Variants in ASH1L observed in about 807,000 individuals in gnomAD.
ASH1L encodes ASH1 like histone lysine methyltransferase, also known as histone-lysine N-methyltransferase ASH1L.
In ASH1L, 23 loss-of-function variants were observed where a neutral mutation model predicts 269.0. That is an observed-to-expected ratio of 0.09 (90% CI 0.06 to 0.12). The LOEUF (loss-of-function observed/expected upper bound fraction) is 0.12, where lower values mean the gene tolerates loss of function less well. Ranked by LOEUF, ASH1L falls within the 10% of genes least tolerant of loss-of-function variation. The probability of loss-of-function intolerance (pLI) is 1.00; values close to 1 mark genes in which losing one functional copy is unlikely to be tolerated. For synonymous variants in ASH1L, 1,187 were observed against 1,253.5 expected (o/e 0.95, Z 1.12); for missense variants, 2,912 against 3,567.8 (o/e 0.82, Z 4.68).
intron 1 of ASH1L, among the ~76,000 whole-genome samples, chr1:155,527,792 G>C (rs1352156473): frequency 1.3e-5 from 2 of 151,954 alleles, no homozygotes; most frequent in East Asian, 1.9e-4. Context: ...GCAATCCTCC[G>C]ACCTCAGACT....
intron 3 of ASH1L, among the ~76,000 whole-genome samples, chr1:155,474,122 T>C (rs967414476): frequency 3.3e-5 from 5 of 152,108 alleles, no homozygotes; most frequent in African/African-American, 9.7e-5. Flanking sequence ...GCATGAGCCA[T>C]TGTGCCTGGT....
chr1:155,453,740 A>G (rs1479938165), intron 4 of ASH1L, among the ~76,000 whole-genome samples: 1 of 152,166 alleles, frequency 6.6e-6, no homozygotes, highest in East Asian at 1.9e-4. Flanking sequence ...CAGAGGCTTC[A>G]GTAAGCCGAG....
Position 155,349,384 on chromosome 1 carries a change from G to A in ASH1L, c.7497C>T (p.Tyr2499=). The change falls in exon 19 of 28, where the codon TAC becomes TAT. Residue 2499 remains tyrosine (Y), a synonymous_variant. Transcript: ENST00000392403. ...CATCAAAAGCTTCCACTGTCTTATA[G>A]TAACCAGTGAGGATCTGCTTCTCTA... ...ITIEKQILTG[Y]YKTVEAFDAD... 1 of 1,613,970 alleles carries A rather than the reference G, an allele frequency of 6.2e-7. No individual in the cohort carries two copies. Among genetic ancestry groups the A allele is most frequent in the Non-Finnish European group, 8.5e-7 (1 of 1,179,838 alleles).
intron 1 of ASH1L, among the ~76,000 whole-genome samples, chr1:155,558,459 G>A (rs931508710): frequency 6.6e-6 from 1 of 151,732 alleles, no homozygotes; most frequent in African/African-American, 2.4e-5. Flanking sequence ...CAACAAGAGC[G>A]AAACTCTCTC....
intron 6 of ASH1L, among the ~76,000 whole-genome samples, chr1:155,398,642 C>CA (rs1453652705): frequency 6.6e-6 from 1 of 151,916 alleles, no homozygotes; most frequent in Non-Finnish European, 1.5e-5. Flanking sequence ...GTACATTGTA[C>CA]AAAAAAATGT....
intron 8 of ASH1L, 77 bp from the exon 9 acceptor site, chr1:155,378,625 C>T (rs565045405): frequency 1.1e-4 from 130 of 1,222,384 alleles, no homozygotes; most frequent in Non-Finnish European, 1.4e-4. Flanking sequence ...ACTAAAAATA[C>T]AGGAAATTTT....
intron 6 of ASH1L, among the ~76,000 whole-genome samples, chr1:155,404,715 A>T (rs775441066): frequency 6.6e-6 from 1 of 152,122 alleles, no homozygotes; most frequent in Non-Finnish European, 1.5e-5. Context: ...AGCAATAAAC[A>T]ATCCAAAAAT....
At chr1:155,562,903 C>G (rs770951718), upstream of ASH1L, 27 of 454,540 alleles carry the variant, frequency 5.9e-5, no homozygotes, top group Middle Eastern at 6.4e-4. Context: ...CGCCAGCCCC[C>G]CCTACCACCC....
chr1:155,496,982 C>T (rs1160685626), intron 2 of ASH1L, among the ~76,000 whole-genome samples: 2 of 152,052 alleles, frequency 1.3e-5, no homozygotes, highest in Non-Finnish European at 2.9e-5. Flanking sequence ...AGTGATTTTC[C>T]GTCTGCCAGT....
At chr1:155,471,900 T>C (rs776201573) in intron 3 of ASH1L, among the ~76,000 whole-genome samples, 2 of 152,212 alleles carry the variant, frequency 1.3e-5, no homozygotes, top group Non-Finnish European at 2.9e-5. Flanking sequence ...GTATTCAGAA[T>C]TGAACTAAAT....
chr1:155,511,871 C>T (rs960851933), intron 2 of ASH1L, among the ~76,000 whole-genome samples: 6 of 151,776 alleles, frequency 4.0e-5, no homozygotes, highest in African/African-American at 1.2e-4. Context: ...AGTGCAATGC[C>T]GGGATCTCGG....
At chr1:155,555,084 G>A (rs1359080488) in intron 1 of ASH1L, among the ~76,000 whole-genome samples, 4 of 149,460 alleles carry the variant, frequency 2.7e-5, no homozygotes, top group South Asian at 2.1e-4. Flanking sequence ...AAGAGGTGCA[G>A]TGAGCCGAGA....
intron 4 of ASH1L, among the ~76,000 whole-genome samples, chr1:155,451,896 T>C (rs1663503435): frequency 6.6e-6 from 1 of 151,812 alleles, no homozygotes; most frequent in African/African-American, 2.4e-5. Context: ...AATTTTTATA[T>C]TTTTAGTAGA....
chr1:155,496,097 G>A (rs1266928222), intron 2 of ASH1L, among the ~76,000 whole-genome samples: 1 of 152,038 alleles, frequency 6.6e-6, no homozygotes, highest in Non-Finnish European at 1.5e-5. Flanking sequence ...CTCTTTTGTA[G>A]TAACAGCTTA....
Position 155,337,657 on chromosome 1 carries a change from G to A in ASH1L, c.*3C>T, listed in dbSNP as rs1476468090. On this transcript the variant is annotated 3_prime_UTR_variant, in exon 28 of 28. Transcript: ENST00000392403. ...GATGCTTGAGGTTCTCATTCTTTGA[G>A]GGTCACTTTCGAAAGCTGTTTTCTG... 1 of 1,612,564 alleles carries A rather than the reference G, an allele frequency of 6.2e-7. No individual in the cohort carries two copies. Among genetic ancestry groups the A allele is most frequent in the Admixed American group, 1.7e-5 (1 of 59,992 alleles).
intron 2 of ASH1L, among the ~76,000 whole-genome samples, chr1:155,499,064 C>T (rs758114628): frequency 6.6e-6 from 1 of 152,034 alleles, no homozygotes; most frequent in Non-Finnish European, 1.5e-5. Flanking sequence ...CCATTAGATG[C>T]TGAACTTGAA....
At chr1:155,553,540 G>C (rs538289819) in intron 1 of ASH1L, among the ~76,000 whole-genome samples, 7 of 152,078 alleles carry the variant, frequency 4.6e-5, no homozygotes, top group Admixed American at 1.3e-4. Context: ...TGTGTCATAC[G>C]TTCATACGTT....
intron 14 of ASH1L, 23 bp from the exon 15 acceptor site, chr1:155,357,433 T>G (rs1206667863): frequency 6.2e-7 from 1 of 1,602,760 alleles, no homozygotes; most frequent in Non-Finnish European, 8.5e-7. Flanking sequence ...TGGATCAGAT[T>G]AGAGATTTAA....
At chr1:155,486,126 C>A (rs1666314396) in intron 2 of ASH1L, among the ~76,000 whole-genome samples, 1 of 152,160 alleles carries the variant, frequency 6.6e-6, no homozygotes, top group African/African-American at 2.4e-5. Context: ...CTTCCTGACT[C>A]AACAGTTTCA....
Sources: gnomAD v4.1 joint callset for allele counts (sites outside exome capture counted in the v4.1 genomes callset) on GRCh38, gnomAD v4.1.1 for gene constraint, MANE v1.5 for transcripts, NCBI Gene and HGNC (gene_info 2026-07-23, HGNC 2026-07-21) for gene names.